The following SLC29A3 variants were observed in gnomAD, a reference collection of about 807,000 sequenced individuals.
SLC29A3 encodes solute carrier family 29 member 3.
A neutral mutation model predicts 25.4 loss-of-function variants in SLC29A3; 18 were observed. The ratio of observed to expected loss-of-function variants is 0.71; its 90% CI spans 0.49 to 1.05. The LOEUF is 1.05. Among genes scored for constraint, SLC29A3 ranks in the 50% least tolerant of loss-of-function variants. The pLI is 0.00. For synonymous variants in SLC29A3, 258 were observed against 267.1 expected (o/e 0.97, Z 0.33); for missense variants, 586 against 609.0 (o/e 0.96, Z 0.40).
At chr10:71,326,892 C>T (rs570535579) in intron 2 of SLC29A3, among the ~76,000 whole-genome samples, 14 of 152,330 alleles carry the variant, frequency 9.2e-5, no homozygotes, top group Non-Finnish European at 1.9e-4. Context: ...GATTGGGAAG[C>T]GAGCATGCTG....
chr10:71,374,545 G>A (rs780624720), intron 3 of SLC29A3, among the ~76,000 whole-genome samples: 1 of 152,206 alleles, frequency 6.6e-6, no homozygotes, highest in Non-Finnish European at 1.5e-5. Context: ...GTTGTGGGAA[G>A]CAGGCCTGAG....
At chr10:71,338,520 G>C (rs560968565) in intron 2 of SLC29A3, among the ~76,000 whole-genome samples, 59 of 152,274 alleles carry the variant, frequency 3.9e-4, no homozygotes, top group Admixed American at 9.2e-4. Flanking sequence ...CACTTTGGGA[G>C]GTCAAAGCAG....
At chr10:71,379,989 A>G (rs1258229691) in exon 5 of SLC29A3, 1 of 152,334 alleles carries the variant, frequency 6.6e-6, no homozygotes, top group Non-Finnish European at 1.5e-5. Context: ...CTGGAGCTGG[A>G]ACCCTTCCTT....
chr10:71,332,526 G>C (rs758675326), intron 2 of SLC29A3, among the ~76,000 whole-genome samples: 5 of 152,176 alleles, frequency 3.3e-5, no homozygotes, highest in Non-Finnish European at 5.9e-5. Flanking sequence ...ATAGAAAGAA[G>C]TGTATTAAAG....
At chr10:71,326,069 C>T (rs1845958415) in intron 2 of SLC29A3, among the ~76,000 whole-genome samples, 1 of 151,910 alleles carries the variant, frequency 6.6e-6, no homozygotes, top group Admixed American at 6.6e-5. Context: ...AGGCACACAC[C>T]ACCATGCCTG....
At chr10:71,331,304 G>T (rs534645726) in intron 2 of SLC29A3, among the ~76,000 whole-genome samples, 1 of 152,142 alleles carries the variant, frequency 6.6e-6, no homozygotes. Context: ...TGGAGGATGG[G>T]GGGAGAGACA....
At position 71,362,402 on chromosome 10, in the gene SLC29A3, G is replaced by A; in HGVS notation, c.1222G>A (p.Val408Ile). Residue 408 changes from valine to isoleucine, a missense_variant, in exon 6 of 6, where the codon GTC (valine) becomes ATC (isoleucine). Val to Ile is a conservative substitution (Grantham distance 29). Coordinates refer to ENST00000373189, the MANE Select transcript of SLC29A3 (RefSeq NM_018344.6). Reference sequence around the variant, plus strand: ...GCCCCGCGTCCACCTGAAGACTGTGGTCTTCCAGTCCGATGTGTACCCCGC... The same window carrying A: ...GCCCCGCGTCCACCTGAAGACTGTGATCTTCCAGTCCGATGTGTACCCCGC... ...YQPRVHLKTV[V>I]FQSDVYPALL... 6.2e-7 allele frequency: 1 copy of A among 1,614,174 alleles called. No homozygotes were observed. The highest frequency in any genetic ancestry group is 8.5e-7 in the Non-Finnish European group (1 of 1,180,048).
At position 71,362,550 on chromosome 10, in the gene SLC29A3, T is replaced by A. The variant is rs758007730; in HGVS notation, c.1370T>A (p.Val457Glu). The change falls in exon 6 of 6, where the codon GTG becomes GAG. Residue 457 changes from valine (V) to glutamate (E), a missense_variant. Coordinates refer to ENST00000373189, the MANE Select transcript of SLC29A3 (RefSeq NM_018344.6). The part of the protein sequence containing the change: ...EATGVVMSFY[V>E]CLGLTLGSAC... ...ACGGGAGTGGTGATGTCCTTTTATG[T>A]GTGCTTGGGCTTAACACTGGGCTCA... is the stretch of plus-strand genomic sequence containing the variant. 6.2e-7 allele frequency: 1 copy of A among 1,614,178 alleles called. No individual in the cohort carries two copies. Among genetic ancestry groups the A allele is most frequent in the Non-Finnish European group, 8.5e-7 (1 of 1,180,044 alleles).
rs75775254 is a variant in SLC29A3, at chr10:71,332,825, G to A, written c.300+9771G>A. Reference sequence around the variant, plus strand: ...TTTTCTTCTGTTTTTAGCTCTTGCTGCATCCTGCAGAGGGGAAAAAAGCCT... The same window carrying A: ...TTTTCTTCTGTTTTTAGCTCTTGCTACATCCTGCAGAGGGGAAAAAAGCCT... On this transcript the variant is annotated intron_variant, in intron 2 of 5. Coordinates refer to ENST00000373189, the MANE Select transcript of SLC29A3 (RefSeq NM_018344.6). Among the ~76,000 whole-genome samples, 1,353 of 152,280 alleles carry A rather than the reference G, an allele frequency of 8.9e-3. 19 individuals carry two copies. Among genetic ancestry groups the A allele is most frequent in the African/African-American group, 0.031 (1,290 of 41,546 alleles).
intron 2 of SLC29A3, among the ~76,000 whole-genome samples, chr10:71,332,540 G>T (rs1846145058): frequency 6.6e-6 from 1 of 152,200 alleles, no homozygotes; most frequent in Non-Finnish European, 1.5e-5. Context: ...ATTAAAGTGG[G>T]ATTTTGCCTG....
At chr10:71,377,485 G>GA (rs11390424) in intron 4 of SLC29A3, among the ~76,000 whole-genome samples, 18,328 of 152,192 alleles carry the variant, frequency 0.12, 1,963 homozygotes, top group African/African-American at 0.29. Flanking sequence ...ATGGCCGCGA[G>GA]GGCTTCCGGG....
In SLC29A3 at chr10:71,362,096, G is replaced by T; in HGVS notation, c.916G>T (p.Ala306Ser). The T allele has an allele frequency of 6.2e-7, 1 of 1,614,064 alleles. No individual in the cohort carries two copies. The highest frequency in any genetic ancestry group is 1.1e-5 in the South Asian group (1 of 91,072). The change falls in exon 6 of 6, where the codon GCC (alanine) becomes TCC (serine). Residue 306 changes from alanine to serine, a missense_variant. Transcript: ENST00000373189. The stretch of plus-strand genomic sequence containing the variant: ...TCTCCGCCCCATCCTGAAGAAGACG[G>T]CCAGCCTGGGCTTCTGTGTCACCTA... ...PPLRPILKKT[A>S]SLGFCVTYVF...
intron 2 of SLC29A3, among the ~76,000 whole-genome samples, chr10:71,328,355 TGC>T (rs1259593754): frequency 6.6e-6 from 1 of 152,186 alleles, no homozygotes; most frequent in Non-Finnish European, 1.5e-5. Context: ...AGGGGCTCCA[TGC>T]CTGGGTCTTC....
chr10:71,360,043 A>G (rs1847014317), intron 5 of SLC29A3, among the ~76,000 whole-genome samples: 1 of 151,904 alleles, frequency 6.6e-6, no homozygotes, highest in Admixed American at 6.6e-5. Context: ...AGTTCTTTCA[A>G]CAGTTATGTG....
chr10:71,370,572 G>A (rs1264745647), intron 3 of SLC29A3, among the ~76,000 whole-genome samples: 1 of 152,058 alleles, frequency 6.6e-6, no homozygotes, highest in Non-Finnish European at 1.5e-5. Context: ...TGCTGAGGTT[G>A]GAGTGCAGTG....
chr10:71,335,972 C>G (rs1200491595), intron 2 of SLC29A3, among the ~76,000 whole-genome samples: 1 of 151,820 alleles, frequency 6.6e-6, no homozygotes, highest in South Asian at 2.1e-4. Flanking sequence ...GAGGTGGGGG[C>G]GGGTGTGTCC....
intron 2 of SLC29A3, among the ~76,000 whole-genome samples, chr10:71,323,853 T>G (rs1020873839): frequency 6.6e-6 from 1 of 152,104 alleles, no homozygotes; most frequent in African/African-American, 2.4e-5. Flanking sequence ...GGAGGAAAGT[T>G]CAGGTGTGTA....
At chr10:71,374,606 CCT>C in intron 3 of SLC29A3, among the ~76,000 whole-genome samples, 1 of 152,246 alleles carries the variant, frequency 6.6e-6, no homozygotes, top group Middle Eastern at 3.4e-3. Context: ...GTTGCCTGCC[CCT>C]GTCCCCATCT....
chr10:71,336,772 C>T (rs1411338311), intron 2 of SLC29A3, among the ~76,000 whole-genome samples: 1 of 151,972 alleles, frequency 6.6e-6, no homozygotes, highest in Non-Finnish European at 1.5e-5. Context: ...AAGCCTTGCA[C>T]ACACTGCAAG....
Sources: allele counts gnomAD v4.1 joint callset (sites outside exome capture counted in the v4.1 genomes callset), GRCh38; gene constraint gnomAD v4.1.1; transcripts MANE v1.5; gene names NCBI Gene and HGNC (gene_info 2026-07-23, HGNC 2026-07-21).